ALK: variants seen among roughly 807,000 people sequenced by gnomAD.
The protein encoded by ALK is ALK tyrosine kinase receptor.
A neutral mutation model predicts 163.1 loss-of-function variants in ALK; 74 were observed. The observed-to-expected ratio is 0.45, with a 90% CI of 0.38 to 0.55. The LOEUF (loss-of-function observed/expected upper bound fraction) is 0.55, where lower values mean the gene tolerates loss of function less well. Ranked by LOEUF, ALK falls within the 20% of genes least tolerant of loss-of-function variation. The probability of loss-of-function intolerance (pLI) is 0.00; values close to 1 mark genes in which losing one functional copy is unlikely to be tolerated. For missense variants in ALK, 2,063 were observed against 2,105.3 expected, an observed-to-expected ratio of 0.98 and a Z score of 0.39; for synonymous variants, 960 against 843.2, an observed-to-expected ratio of 1.14 and a Z score of -2.40.
At chr2:29,733,779 G>A (rs1018277701) in intron 1 of ALK, among the ~76,000 whole-genome samples, 1 of 152,156 alleles carries the variant, frequency 6.6e-6, no homozygotes, top group Non-Finnish European at 1.5e-5. Flanking sequence ...GTAGACAGGA[G>A]GGGAAGATCT....
intron 5 of ALK, among the ~76,000 whole-genome samples, chr2:29,332,870 C>T (rs1463156150): frequency 1.3e-5 from 2 of 152,110 alleles, no homozygotes; most frequent in Non-Finnish European, 2.9e-5. Context: ...AGGATAGATT[C>T]CCAGAAGTGG....
chr2:29,759,433 ATGTG>A (rs1558475922), intron 1 of ALK, among the ~76,000 whole-genome samples: 2 of 152,102 alleles, frequency 1.3e-5, no homozygotes, highest in Non-Finnish European at 2.9e-5. Context: ...GTGTGTGTGC[ATGTG>A]TGCGTGCGTG....
intron 1 of ALK, among the ~76,000 whole-genome samples, chr2:29,794,388 T>C (rs1664256881): frequency 6.6e-6 from 1 of 152,182 alleles, no homozygotes; most frequent in Admixed American, 6.5e-5. Context: ...TAAGGCTGTT[T>C]TGCTTTAAAA....
At chr2:29,860,128 G>A (rs1666243137) in intron 1 of ALK, among the ~76,000 whole-genome samples, 1 of 152,186 alleles carries the variant, frequency 6.6e-6, no homozygotes, top group African/African-American at 2.4e-5. Flanking sequence ...CATGGCTAGG[G>A]CCTTAAAATG....
At chr2:29,440,230 T>C (rs1670502435) in intron 4 of ALK, among the ~76,000 whole-genome samples, 1 of 151,234 alleles carries the variant, frequency 6.6e-6, no homozygotes, top group Non-Finnish European at 1.5e-5. Flanking sequence ...CAAGACTCCA[T>C]CTCAAAAACA....
chr2:29,395,667 A>G (rs977117747), intron 4 of ALK, among the ~76,000 whole-genome samples: 10 of 152,190 alleles, frequency 6.6e-5, no homozygotes, highest in Non-Finnish European at 1.3e-4. Flanking sequence ...GCCTTTCTGT[A>G]TAGAGCTGTC....
intron 3 of ALK, among the ~76,000 whole-genome samples, chr2:29,655,724 G>A (rs531380910): frequency 2.0e-5 from 3 of 152,286 alleles, no homozygotes; most frequent in African/African-American, 7.2e-5. Context: ...AACATGGATT[G>A]CCTTTGAACA....
chr2:29,249,274 A>C (rs1664758644), intron 12 of ALK, among the ~76,000 whole-genome samples: 1 of 152,152 alleles, frequency 6.6e-6, no homozygotes, highest in Non-Finnish European at 1.5e-5. Flanking sequence ...CAGGGGTAGG[A>C]CAATGGGCTC....
intron 4 of ALK, among the ~76,000 whole-genome samples, chr2:29,406,065 C>G (rs1042134338): frequency 3.3e-5 from 5 of 152,132 alleles, no homozygotes; most frequent in Admixed American, 3.3e-4. Context: ...ATAATCAGAG[C>G]TAGGAGCTGT....
intron 3 of ALK, among the ~76,000 whole-genome samples, chr2:29,609,809 A>C (rs1675641014): frequency 6.6e-6 from 1 of 152,060 alleles, no homozygotes; most frequent in Non-Finnish European, 1.5e-5. Flanking sequence ...ACACTTGGCT[A>C]GTTTTAATCT....
Position 29,426,482 on chromosome 2 carries a change from G to A in ALK, c.1155-42623C>T, listed in dbSNP as rs115071672. ...CTGCCTTCTCATCAGAAACAATGGAGGCCAGAAGGCAGTGGGGTGGCATGT... is the reference window on the plus strand; with the variant it reads ...CTGCCTTCTCATCAGAAACAATGGAAGCCAGAAGGCAGTGGGGTGGCATGT... On this transcript the variant is annotated intron_variant, in intron 4 of 28. Transcript: ENST00000389048. Among the ~76,000 whole-genome samples the A allele has an allele frequency of 3.9e-3, 596 of 152,246 alleles. 5 individuals carry two copies. Among genetic ancestry groups the A allele is most frequent in the African/African-American group, 0.014 (571 of 41,554 alleles).
At chr2:29,380,863 C>G (rs1471579929) in intron 5 of ALK, among the ~76,000 whole-genome samples, 1 of 152,170 alleles carries the variant, frequency 6.6e-6, no homozygotes, top group Admixed American at 6.5e-5. Context: ...GATTATAATT[C>G]AACATGAAAT....
At chr2:29,905,489 T>C (rs1337725606) in intron 1 of ALK, among the ~76,000 whole-genome samples, 1 of 151,266 alleles carries the variant, frequency 6.6e-6, no homozygotes, top group African/African-American at 2.4e-5. Flanking sequence ...TTCCAAATTA[T>C]GGTGTCAAGA....
intron 24 of ALK, among the ~76,000 whole-genome samples, chr2:29,213,085 CAT>C (rs1176666282): frequency 2.0e-5 from 3 of 152,344 alleles, no homozygotes; most frequent in South Asian, 2.1e-4. Context: ...TCTTAGAAGA[CAT>C]GTGTTAATAA....
intron 2 of ALK, among the ~76,000 whole-genome samples, chr2:29,704,644 A>C (rs1250009538): frequency 6.6e-6 from 1 of 152,132 alleles, no homozygotes; most frequent in Non-Finnish European, 1.5e-5. Context: ...ACCTCCAATA[A>C]AGCTTTTTGG....
chr2:29,750,868 G>A (rs564669537), intron 1 of ALK, among the ~76,000 whole-genome samples: 17 of 151,910 alleles, frequency 1.1e-4, no homozygotes, highest in Admixed American at 5.9e-4. Context: ...TCAGGAGTTC[G>A]AGACCAGCCT....
intron 1 of ALK, among the ~76,000 whole-genome samples, chr2:29,752,254 T>A (rs1343510890): frequency 6.6e-6 from 1 of 152,182 alleles, no homozygotes. Flanking sequence ...CTTGTGTAAG[T>A]GTTCCGAGCA....
intron 5 of ALK, among the ~76,000 whole-genome samples, chr2:29,336,741 GA>G (rs1302463970): frequency 6.6e-6 from 1 of 152,124 alleles, no homozygotes; most frequent in African/African-American, 2.4e-5. Context: ...TTTTTTAAAC[GA>G]ATGCCACATT....
At chr2:29,219,672 C>T (rs1669748572) in intron 23 of ALK, among the ~76,000 whole-genome samples, 1 of 152,152 alleles carries the variant, frequency 6.6e-6, no homozygotes. Context: ...TCTGGGTCTG[C>T]CCAGGGTGCT....
Sources: allele counts gnomAD v4.1 joint callset (sites outside exome capture counted in the v4.1 genomes callset), GRCh38; gene constraint gnomAD v4.1.1; transcripts MANE v1.5; gene names NCBI Gene and HGNC (gene_info 2026-07-23, HGNC 2026-07-21).